Variants in RC3H2 observed in about 807,000 individuals in gnomAD.
RC3H2 encodes roquin-2.
A neutral mutation model predicts 133.3 loss-of-function variants in RC3H2; 31 were observed. The ratio of observed to expected loss-of-function variants is 0.23; its 90% CI spans 0.17 to 0.31. The LOEUF is 0.31. RC3H2 is among the 10% of genes least tolerant of loss of function. The probability of loss-of-function intolerance (pLI) is 1.00; values close to 1 mark genes in which losing one functional copy is unlikely to be tolerated. For synonymous variants in RC3H2, 517 were observed against 502.2 expected, an observed-to-expected ratio of 1.03 and a Z score of -0.40; for missense variants, 1,175 against 1,437.2, an observed-to-expected ratio of 0.82 and a Z score of 2.95.
rs375871590 is a variant in RC3H2 at position 122,857,927 on chromosome 9, G to A, written c.2450C>T (p.Ala817Val). 72 of 1,611,928 alleles carry A rather than the reference G, an allele frequency of 4.5e-5. No homozygotes were observed. Among genetic ancestry groups the A allele is most frequent in the East Asian group, 6.7e-5 (3 of 44,848 alleles). The change falls in exon 13 of 21, where the codon GCG (alanine) becomes GTG (valine). Residue 817 changes from alanine to valine, a missense_variant. Physicochemically the swap from Ala to Val is moderately conservative, Grantham distance 64 (BLOSUM62 0). This residue lies in a region of RC3H2 where 490 missense variants were observed against 492.8 expected (regional missense o/e 0.99). Transcript: ENST00000357244. ...AGTAATTAAAACCTTTCTTACATCCGCACGAAAGTCTACACTGAACAGAGG... is the reference window on the plus strand; with the variant it reads ...AGTAATTAAAACCTTTCTTACATCCACACGAAAGTCTACACTGAACAGAGG... Reference protein sequence around the residue: ...PSPLFSVDFRADFSESVSGTK... With the variant: ...PSPLFSVDFRVDFSESVSGTK...
rs1410779492 is a variant in RC3H2, at chr9:122,890,325, C to T, written c.570G>A (p.Gln190=). 1 of 1,614,122 alleles carries T rather than the reference C, an allele frequency of 6.2e-7. No individual in the cohort carries two copies. The highest frequency in any genetic ancestry group is 8.5e-7 in the Non-Finnish European group (1 of 1,179,980). ...AACCTATCTTACCTGGCCCTAAAAA[C>T]TGGCATCCTCGAGCCCTGACAGCGG... ...LWAAVRARGC[Q]FLGPAMQEEA... The change falls in exon 4 of 21, where the codon CAG becomes CAA. Residue 190 remains glutamine, a synonymous_variant. Transcript: ENST00000357244.
intron 4 of RC3H2, among the ~76,000 whole-genome samples, chr9:122,885,957 C>T (rs932329477): frequency 2.0e-5 from 3 of 152,162 alleles, no homozygotes; most frequent in East Asian, 1.9e-4. Context: ...GCACGATCTT[C>T]GCTCACTGCA....
At chr9:122,872,363 G>C (rs747311647) in intron 9 of RC3H2, among the ~76,000 whole-genome samples, 112 of 152,080 alleles carry the variant, frequency 7.4e-4, no homozygotes, top group Non-Finnish European at 1.4e-3. Flanking sequence ...CCCACCTGTG[G>C]ACCAATATAG....
At chr9:122,902,746 G>A (rs1045063683) in intron 1 of RC3H2, among the ~76,000 whole-genome samples, 1 of 151,600 alleles carries the variant, frequency 6.6e-6, no homozygotes, top group Non-Finnish European at 1.5e-5. Flanking sequence ...CAACTACTCA[G>A]GAGTCTGAGG....
At chr9:122,901,586 C>CTT (rs11309716) in intron 1 of RC3H2, among the ~76,000 whole-genome samples, 40 of 120,008 alleles carry the variant, frequency 3.3e-4, no homozygotes, top group South Asian at 5.1e-4. Context: ...CCAATGCATT[C>CTT]TTTTTTTTTT....
At chr9:122,904,174 G>A (rs1832753972) in intron 1 of RC3H2, among the ~76,000 whole-genome samples, 3 of 152,178 alleles carry the variant, frequency 2.0e-5, no homozygotes, top group Admixed American at 2.0e-4. Flanking sequence ...GGTAGGGGGA[G>A]AGTAGAAATG....
intron 6 of RC3H2, chr9:122,880,354 G>A (rs747050497): frequency 2.9e-5 from 22 of 750,946 alleles, no homozygotes; most frequent in Middle Eastern, 3.6e-4. Context: ...TCAGAATATA[G>A]ATAAATTTGA....
chr9:122,859,058 A>G lies in RC3H2; in HGVS notation c.1894T>C (p.Cys632Arg), dbSNP rs778272917. Reference protein sequence around the residue: ...PPTVPAGVAPCVPRFVRSNNV... With the variant: ...PPTVPAGVAPRVPRFVRSNNV... ...TTGGACCTCACAAAGCGAGGAACACAGGGAGCCACACCAGCTGGTACCGTT... is the reference window on the plus strand; with the variant it reads ...TTGGACCTCACAAAGCGAGGAACACGGGGAGCCACACCAGCTGGTACCGTT... The change falls in exon 12 of 21, where the codon TGT becomes CGT. Residue 632 changes from cysteine to arginine, a missense_variant. By Grantham distance (180) the Cys-to-Arg change is radical (BLOSUM62 -3). Coordinates refer to ENST00000357244, the MANE Select transcript of RC3H2 (RefSeq NM_001100588.3). 4 of 1,606,752 alleles carry G rather than the reference A, an allele frequency of 2.5e-6. No individual in the cohort carries two copies. In the African/African-American group the frequency reaches 5.3e-5, roughly 21 times the overall value.
intron 9 of RC3H2, chr9:122,875,116 C>T (rs1564301710): frequency 3.1e-5 from 44 of 1,409,274 alleles, no homozygotes; most frequent in Non-Finnish European, 4.0e-5. Flanking sequence ...ATGTGAAATT[C>T]TGTATATAGA....
chr9:122,867,785 C>G (rs1393391503), intron 9 of RC3H2, among the ~76,000 whole-genome samples: 2 of 103,286 alleles, frequency 1.9e-5, no homozygotes, highest in African/African-American at 4.5e-5. Context: ...ACCCTCCGCC[C>G]GGCAACCGCC....
chr9:122,854,472 C>T, intron 16 of RC3H2, 59 bp downstream of exon 16: 1 of 1,345,034 alleles, frequency 7.4e-7, no homozygotes, highest in Non-Finnish European at 1.1e-6. Context: ...GAATGTGTAC[C>T]CTTAAGATAC....
intron 4 of RC3H2, among the ~76,000 whole-genome samples, chr9:122,885,613 C>A (rs542779060): frequency 6.6e-6 from 1 of 151,974 alleles, no homozygotes; most frequent in East Asian, 1.9e-4. Flanking sequence ...TAAATTTTTT[C>A]TTTTTTTGCC....
At chr9:122,857,545 T>G (rs1830292776) in intron 13 of RC3H2, among the ~76,000 whole-genome samples, 1 of 152,172 alleles carries the variant, frequency 6.6e-6, no homozygotes, top group Non-Finnish European at 1.5e-5. Context: ...CCCTGTAAAA[T>G]ATGGAAAATA....
chr9:122,881,018 G>C (rs1831597234), intron 5 of RC3H2, among the ~76,000 whole-genome samples: 1 of 152,146 alleles, frequency 6.6e-6, no homozygotes, highest in Non-Finnish European at 1.5e-5. Flanking sequence ...TCAGCCACTA[G>C]TAAGAAAGAG....
Position 122,897,502 on chromosome 9 carries a change from A to G in RC3H2, c.8T>C (p.Val3Ala). 1 of 1,612,896 alleles carries G rather than the reference A, an allele frequency of 6.2e-7. No homozygotes were observed. The highest frequency in any genetic ancestry group is 1.3e-5 in the African/African-American group (1 of 75,050). The change falls in exon 2 of 21, where the codon GTG becomes GCG. Residue 3 changes from valine (V) to alanine (A), a missense_variant. Coordinates refer to ENST00000357244, the MANE Select transcript of RC3H2 (RefSeq NM_001100588.3). MP[V>A]QAAQWTEFLS... ...AAATTCTGTCCATTGAGCTGCCTGC[A>G]CAGGCATTGTGGAAGCTGGATGCTC...
chr9:122,866,930 C>T (rs1234007663), intron 9 of RC3H2, among the ~76,000 whole-genome samples: 1 of 148,410 alleles, frequency 6.7e-6, no homozygotes, highest in African/African-American at 2.5e-5. Context: ...AAGCGTCTGC[C>T]CGGCCGCCAT....
chr9:122,904,930 G>A (rs928206234), intron 1 of RC3H2, among the ~76,000 whole-genome samples, 180 bp downstream of exon 1: 3 of 152,154 alleles, frequency 2.0e-5, no homozygotes, highest in Non-Finnish European at 4.4e-5. Context: ...CCAGAGAGAG[G>A]GGCCTCCGCA....
intron 1 of RC3H2, among the ~76,000 whole-genome samples, chr9:122,901,415 T>C (rs1214301355): frequency 1.3e-5 from 2 of 152,138 alleles, no homozygotes; most frequent in East Asian, 1.9e-4. Context: ...ACCTGTAAGC[T>C]AGAAACTCAG....
chr9:122,865,698 A>G (rs778728210), intron 9 of RC3H2, 41 bp from the exon 10 acceptor site: 2 of 1,564,842 alleles, frequency 1.3e-6, no homozygotes, highest in Non-Finnish European at 8.7e-7. Context: ...ATATTTCACT[A>G]AATCTTACTC....
Sources: allele counts gnomAD v4.1 joint callset (sites outside exome capture counted in the v4.1 genomes callset), GRCh38; gene constraint gnomAD v4.1.1; regional missense constraint gnomAD v4.1.1; transcripts MANE v1.5; gene names NCBI Gene and HGNC (gene_info 2026-07-23, HGNC 2026-07-21).